The following SPON1 variants were observed in gnomAD, a reference collection of about 807,000 sequenced individuals.
SPON1 encodes spondin-1.
Under a neutral mutation model 111.7 loss-of-function variants are expected in SPON1, and 52 were observed. The ratio of observed to expected loss-of-function variants is 0.47; its 90% CI spans 0.37 to 0.59. SPON1 has a LOEUF of 0.59. Among genes scored for constraint, SPON1 ranks in the 20% least tolerant of loss-of-function variants. The pLI is 0.00. For synonymous variants in SPON1, 410 were observed against 395.8 expected (o/e 1.04, Z -0.43); for missense variants, 957 against 1,068.5 (o/e 0.90, Z 1.46).
Position 14,243,497 on chromosome 11 carries a change from G to A in SPON1, c.890+101G>A, listed in dbSNP as rs1301717406. On this transcript the variant is annotated intron_variant, in intron 7 of 15. Coordinates refer to ENST00000576479, the MANE Select transcript of SPON1 (RefSeq NM_006108.4). Reference sequence around the variant, plus strand: ...CATACCAGTTATGCTGTTGAAGTTAGCACTACTTCTCAGTTAACAAGCAGG... The same window carrying A: ...CATACCAGTTATGCTGTTGAAGTTAACACTACTTCTCAGTTAACAAGCAGG... 9 of 969,586 alleles carry A rather than the reference G, an allele frequency of 9.3e-6. No individual in the cohort carries two copies. The African/African-American group carries it at 1.5e-4, about 16-fold the overall frequency. The allele number at this position is 969,586 out of a possible 1,614,324, so 60.1% of individuals were successfully genotyped here.
chr11:14,240,187 A>G (rs1351807161), intron 6 of SPON1, among the ~76,000 whole-genome samples: 1 of 152,226 alleles, frequency 6.6e-6, no homozygotes, highest in African/African-American at 2.4e-5. Flanking sequence ...TTTTTCAACA[A>G]TCTACTGAGC....
At chr11:14,251,307 T>C (rs941686489) in intron 7 of SPON1, among the ~76,000 whole-genome samples, 1 of 152,210 alleles carries the variant, frequency 6.6e-6, no homozygotes, top group African/African-American at 2.4e-5. Flanking sequence ...TAGTCAGGAA[T>C]TGGCCGCCCC....
At chr11:14,223,803 T>C (rs1554937843) in intron 6 of SPON1, among the ~76,000 whole-genome samples, 1 of 152,250 alleles carries the variant, frequency 6.6e-6, no homozygotes, top group East Asian at 1.9e-4. Flanking sequence ...GCCCTGCCAC[T>C]GGGTCTTATC....
In SPON1 at chr11:14,265,757, T is replaced by A; in HGVS notation, c.*70T>A. The A allele has an allele frequency of 1.3e-6, 2 of 1,516,736 alleles. No individual in the cohort carries two copies. Among genetic ancestry groups the A allele is most frequent in the Non-Finnish European group, 1.8e-6 (2 of 1,120,042 alleles). 94.0% of individuals were successfully genotyped at this position (1,516,736 alleles called of 1,614,324 possible). A position where few individuals can be genotyped will look rare whatever the true frequency, so the allele number is the denominator to read the frequency against. Reference sequence around the variant, plus strand: ...ACCAATGGCTGGATTATTTGCTTGTTTAAGACAATTTAAATTGTGTACGCT... The same window carrying A: ...ACCAATGGCTGGATTATTTGCTTGTATAAGACAATTTAAATTGTGTACGCT... On this transcript the variant is annotated 3_prime_UTR_variant, in exon 16 of 16. Coordinates refer to ENST00000576479, the MANE Select transcript of SPON1 (RefSeq NM_006108.4).
At chr11:14,173,542 G>A (rs1266783982) in intron 6 of SPON1, among the ~76,000 whole-genome samples, 1 of 152,196 alleles carries the variant, frequency 6.6e-6, no homozygotes, top group African/African-American at 2.4e-5. Flanking sequence ...ATGAGGAGCT[G>A]CGTTCCTTTG....
chr11:14,236,372 C>T (rs1848867598), intron 6 of SPON1, among the ~76,000 whole-genome samples: 1 of 151,992 alleles, frequency 6.6e-6, no homozygotes, highest in African/African-American at 2.4e-5. Flanking sequence ...ACGGCATTGC[C>T]ATGTAATGGG....
At position 14,135,386 on chromosome 11, in the gene SPON1, A is replaced by G. The variant is rs1041096597; in HGVS notation, c.677-34A>G. 1.3e-6 allele frequency: 2 copies of G among 1,595,230 alleles called. No individual in the cohort carries two copies. The highest frequency in any genetic ancestry group is 1.7e-6 in the Non-Finnish European group (2 of 1,166,660). ...AGGGACTCGTGTTTCAGCCACAGCCATGCTGATAACTGCCTCCTGATTGGC... is the reference window on the plus strand; with the variant it reads ...AGGGACTCGTGTTTCAGCCACAGCCGTGCTGATAACTGCCTCCTGATTGGC... On this transcript the variant is annotated intron_variant, in intron 5 of 15. Coordinates refer to ENST00000576479, the MANE Select transcript of SPON1 (RefSeq NM_006108.4). The surrounding 1 kb of genome is among the most constrained non-coding windows in gnomAD (Gnocchi z 4.4).
At chr11:14,037,197 G>C (rs1848601106) in intron 2 of SPON1, among the ~76,000 whole-genome samples, 1 of 152,012 alleles carries the variant, frequency 6.6e-6, no homozygotes, top group South Asian at 2.1e-4. Flanking sequence ...TGCCATGTTG[G>C]TGTGCTGCAC....
At chr11:14,155,761 T>C (rs1847838377) in intron 6 of SPON1, among the ~76,000 whole-genome samples, 1 of 128,692 alleles carries the variant, frequency 7.8e-6, no homozygotes, top group African/African-American at 2.7e-5. Context: ...TTTGGTTTTT[T>C]GTTCTTGCGA....
At chr11:14,062,771 GA>G (rs1848801164) in intron 3 of SPON1, among the ~76,000 whole-genome samples, 1 of 152,174 alleles carries the variant, frequency 6.6e-6, no homozygotes, top group African/African-American at 2.4e-5. Flanking sequence ...CCTTCACATG[GA>G]GATATCCAGA....
rs993808893 is a variant in SPON1, at chr11:14,093,235, C to T, written c.676+13214C>T. ...GAGTCTGTAGCTTCCAGCTATGGCTCAGAAGCAGTTGCTTCACAGAAACAA... is the reference window on the plus strand; with the variant it reads ...GAGTCTGTAGCTTCCAGCTATGGCTTAGAAGCAGTTGCTTCACAGAAACAA... On this transcript the variant is annotated intron_variant, in intron 5 of 15. Coordinates refer to ENST00000576479, the MANE Select transcript of SPON1 (RefSeq NM_006108.4). Among the ~76,000 whole-genome samples, 5 of 152,336 alleles carry T rather than the reference C, an allele frequency of 3.3e-5. No individual in the cohort carries two copies. In the South Asian group the frequency reaches 1.0e-3, roughly 32 times the overall value.
intron 2 of SPON1, among the ~76,000 whole-genome samples, chr11:14,020,985 T>C (rs1848477260): frequency 6.6e-6 from 1 of 152,156 alleles, no homozygotes; most frequent in Non-Finnish European, 1.5e-5. Flanking sequence ...TTTAAAAAGA[T>C]TTGGCAGATT....
chr11:14,206,659 A>C (rs1359577783), intron 6 of SPON1, among the ~76,000 whole-genome samples: 1 of 152,244 alleles, frequency 6.6e-6, no homozygotes, highest in African/African-American at 2.4e-5. Context: ...TAAAATACCT[A>C]GGAATACAGC....
At chr11:14,150,613 T>A (rs4757230) in intron 6 of SPON1, among the ~76,000 whole-genome samples, 61,026 of 151,836 alleles carry the variant, frequency 0.4, 12,462 homozygotes, top group East Asian at 0.55. Context: ...TAATAAAAGA[T>A]AAAAGAATAG....
intron 6 of SPON1, among the ~76,000 whole-genome samples, chr11:14,173,587 G>A (rs540796103): frequency 1.6e-4 from 24 of 152,184 alleles, no homozygotes; most frequent in East Asian, 1.4e-3. Context: ...TAGAGTTTCC[G>A]GTTTTTCTGC....
At chr11:14,000,766 T>G (rs1360894185) in intron 2 of SPON1, among the ~76,000 whole-genome samples, 4 of 152,056 alleles carry the variant, frequency 2.6e-5, no homozygotes, top group African/African-American at 4.8e-5. Context: ...CCAAAACAGC[T>G]TGTACTTATG....
chr11:14,161,584 G>A (rs1017785347), intron 6 of SPON1, among the ~76,000 whole-genome samples: 2 of 151,708 alleles, frequency 1.3e-5, no homozygotes, highest in Non-Finnish European at 1.5e-5. Context: ...CTCCCAGTGT[G>A]CCGGGATTAC....
At chr11:14,237,425 AGAGAAGGATG>A (rs1366330106) in intron 6 of SPON1, among the ~76,000 whole-genome samples, 4 of 152,090 alleles carry the variant, frequency 2.6e-5, no homozygotes, top group African/African-American at 9.7e-5. Context: ...GGGAGGGAGG[AGAGAAGGATG>A]GAGAAGAAGG....
intron 6 of SPON1, among the ~76,000 whole-genome samples, chr11:14,237,579 T>C (rs782172427): frequency 6.6e-6 from 1 of 152,260 alleles, no homozygotes. Context: ...GACAGCGTGA[T>C]AGCTATTTCC....
Sources: gnomAD v4.1 joint callset for allele counts (sites outside exome capture counted in the v4.1 genomes callset) on GRCh38, gnomAD v4.1.1 for gene constraint, Gnocchi (gnomAD v3.1) non-coding constraint, MANE v1.5 for transcripts, NCBI Gene and HGNC (gene_info 2026-07-23, HGNC 2026-07-21) for gene names.